LMBR1L: variants seen among roughly 807,000 people sequenced by gnomAD.
The protein encoded by LMBR1L is limb development membrane protein 1 like.
In LMBR1L, 47 loss-of-function variants were observed where a neutral mutation model predicts 67.3. The observed-to-expected ratio is 0.70, with a 90% CI of 0.55 to 0.89. The LOEUF is 0.89. Among genes scored for constraint, LMBR1L ranks in the 40% least tolerant of loss-of-function variants. The pLI, the probability that LMBR1L is intolerant of heterozygous loss-of-function variation, is 0.00. For missense variants in LMBR1L, 533 were observed against 599.2 expected (o/e 0.89, Z 1.15); for synonymous variants, 247 against 250.3 (o/e 0.99, Z 0.13).
chr12:49,110,580 G>C lies in LMBR1L; in HGVS notation c.-25C>G. On this transcript the variant is annotated 5_prime_UTR_variant, in exon 1 of 17. Coordinates refer to ENST00000267102, the MANE Select transcript of LMBR1L (RefSeq NM_018113.4). ...TACTCTGCTCAGCATGACTGAAGCC[G>C]AGGTGCCTCTGGGCCCGGGGAGGAC... The C allele has an allele frequency of 6.2e-7, 1 of 1,610,136 alleles. No individual in the cohort carries two copies. Among genetic ancestry groups the C allele is most frequent in the Non-Finnish European group, 8.5e-7 (1 of 1,176,560 alleles).
rs567027290 is a variant in LMBR1L, at chr12:49,110,674, A to G, written c.-119T>C. Reference sequence around the variant, plus strand: ...TAGGGGCCTTTCCTCGCAGCCTGCGACAGAAACTCGGGGCAGTCTGGGGCT... The same window carrying G: ...TAGGGGCCTTTCCTCGCAGCCTGCGGCAGAAACTCGGGGCAGTCTGGGGCT... On this transcript the variant is annotated 5_prime_UTR_variant, in exon 1 of 17. Transcript: ENST00000267102. The G allele has an allele frequency of 1.2e-6, 1 of 850,258 alleles. No individual in the cohort carries two copies. The highest frequency in any genetic ancestry group is 1.7e-5 in the African/African-American group (1 of 60,036). The allele number at this position is 850,258 out of a possible 1,614,324, so 52.7% of individuals were successfully genotyped here.
chr12:49,106,895 G>T, intron 2 of LMBR1L, 66 bp downstream of exon 2: 1 of 1,257,598 alleles, frequency 8.0e-7, no homozygotes, highest in Non-Finnish European at 1.2e-6. Context: ...GGTACCATAG[G>T]CCCATTCCCC....
chr12:49,100,768 C>G lies in LMBR1L; in HGVS notation c.1083-122G>C, dbSNP rs1177593759. 9.2e-6 allele frequency: 7 copies of G among 759,946 alleles called. No individual in the cohort carries two copies. In the African/African-American group the frequency reaches 1.1e-4, roughly 12 times the overall value. The allele number at this position is 759,946 out of a possible 1,614,324, so 47.1% of individuals were successfully genotyped here. A position where few individuals can be genotyped will look rare whatever the true frequency, so the allele number is the denominator to read the frequency against. On this transcript the variant is annotated intron_variant, in intron 13 of 16. Transcript: ENST00000267102. Reference sequence around the variant, plus strand: ...TTTGAGACAGGGTCTCACTTTGTCACCCAGGCTGGAGTGCAGTGGTGCGAT... The same window carrying G: ...TTTGAGACAGGGTCTCACTTTGTCAGCCAGGCTGGAGTGCAGTGGTGCGAT...
At chr12:49,105,007 T>TA in intron 3 of LMBR1L, 122 bp from the exon 4 acceptor site, 2 of 1,114,856 alleles carry the variant, frequency 1.8e-6, no homozygotes, top group Non-Finnish European at 2.6e-6. Flanking sequence ...ATCACAGAGC[T>TA]AAGGAAGGAG....
At chr12:49,105,684 C>A (rs575397055) in intron 3 of LMBR1L, among the ~76,000 whole-genome samples, 1 of 152,296 alleles carries the variant, frequency 6.6e-6, no homozygotes, top group East Asian at 1.9e-4. Flanking sequence ...TGACTCAGGC[C>A]CCAGCGGACG....
chr12:49,110,160 G>A, intron 1 of LMBR1L: 2 of 551,258 alleles, frequency 3.6e-6, no homozygotes, highest in Middle Eastern at 5.4e-4. Flanking sequence ...CCGATTATCA[G>A]ACTAAGGCAG....
chr12:49,108,561 C>CAAAA (rs35533408), intron 1 of LMBR1L, among the ~76,000 whole-genome samples: 1 of 47,564 alleles, frequency 2.1e-5, no homozygotes, highest in Non-Finnish European at 3.6e-5. Context: ...GACTGAGTCT[C>CAAAA]AAAAAAAAAA....
intron 3 of LMBR1L, 87 bp downstream of exon 3, chr12:49,105,837 T>C (rs994565460): frequency 8.1e-6 from 9 of 1,111,504 alleles, no homozygotes; most frequent in Non-Finnish European, 9.3e-6. Flanking sequence ...TGTGTGAGAC[T>C]TCCCCCTTCT....
chr12:49,106,447 G>C (rs1021659761), intron 2 of LMBR1L: 13 of 594,888 alleles, frequency 2.2e-5, no homozygotes, highest in Non-Finnish European at 3.6e-5. Flanking sequence ...AGGAACTGGG[G>C]CAAGTGTGCC....
chr12:49,106,706 G>T, intron 2 of LMBR1L: 1 of 1,043,318 alleles, frequency 9.6e-7, no homozygotes, highest in Non-Finnish European at 1.4e-6. Context: ...TCCACACAAT[G>T]GAGTAGGTAG....
chr12:49,100,245 T>C, intron 15 of LMBR1L, 143 bp downstream of exon 15: 1 of 715,654 alleles, frequency 1.4e-6, no homozygotes, highest in East Asian at 2.5e-5. Context: ...AGAGCCTTGC[T>C]TTCCTCATCT....
At chr12:49,098,520 G>A (rs1294994568) in intron 15 of LMBR1L, among the ~76,000 whole-genome samples, 1 of 152,040 alleles carries the variant, frequency 6.6e-6, no homozygotes, top group East Asian at 1.9e-4. Flanking sequence ...GCGTGATCTG[G>A]GGCAATTTCC....
intron 2 of LMBR1L, chr12:49,106,363 A>T (rs748757816): frequency 1.1e-5 from 4 of 370,548 alleles, no homozygotes; most frequent in Non-Finnish European, 2.1e-5. Flanking sequence ...CCCCAGGGGA[A>T]TTACTCTTGG....
rs35974488 is a variant in LMBR1L at position 49,104,466 on chromosome 12, G to T, written c.417C>A (p.Gly139=). The T allele has an allele frequency of 1.6e-5, 25 of 1,612,404 alleles. No individual in the cohort carries two copies. In the African/African-American group the frequency reaches 3.2e-4, roughly 21 times the overall value. The change falls in exon 5 of 17, where the codon GGC becomes GGA. Residue 139 remains glycine, a synonymous_variant. Transcript: ENST00000267102. ...PFAYFFTESE[G]FAGSRKGVLG... is the part of the protein sequence containing the mutation. ...TACTTACCTTTCTGGAGCCAGCAAA[G>T]CCCTCAGACTCAGTGAAGAAATATG...
At chr12:49,109,928 G>A (rs896294535) in intron 1 of LMBR1L, 1 of 411,888 alleles carries the variant, frequency 2.4e-6, no homozygotes, top group Non-Finnish European at 4.9e-6. Context: ...AAAAGACGGG[G>A]GAATACTTGG....
rs1941437425 is a variant in LMBR1L, at chr12:49,110,587, C to T, written c.-32G>A. On this transcript the variant is annotated 5_prime_UTR_variant, in exon 1 of 17. Transcript: ENST00000267102. ...CTCAGCATGACTGAAGCCGAGGTGC[C>T]TCTGGGCCCGGGGAGGACGAGCGGG... is the stretch of plus-strand genomic sequence containing the variant. 5 of 1,603,676 alleles carry T rather than the reference C, an allele frequency of 3.1e-6. No individual in the cohort carries two copies. In the South Asian group the frequency reaches 3.3e-5, roughly 11 times the overall value.
At chr12:49,105,086 A>C in intron 3 of LMBR1L, 8 of 584,098 alleles carry the variant, frequency 1.4e-5, no homozygotes, top group Non-Finnish European at 1.8e-5. Context: ...GCCCCAGCTC[A>C]TGGGATGGGC....
Position 49,102,119 on chromosome 12 carries a change from C to G in LMBR1L, c.930+1G>C. The stretch of plus-strand genomic sequence containing the variant: ...CTCACCTCTAGGGCTGGTATACCTA[C>G]CGTCAGCACCAGCAAGCACAGCATA... On this transcript the variant is annotated splice_donor_variant, in intron 11 of 16. Transcript: ENST00000267102. LOFTEE classifies it high-confidence loss of function. 1 of 1,613,770 alleles carries G rather than the reference C, an allele frequency of 6.2e-7. No individual in the cohort carries two copies. The highest frequency in any genetic ancestry group is 8.5e-7 in the Non-Finnish European group (1 of 1,179,678).
chr12:49,106,998 G>C lies in LMBR1L; in HGVS notation c.120C>G (p.Phe40Leu). ...CAGCAGGCTTCTTGAAGCGGGTCAGGAAGATGTGGCAGAGGATGTACAGTG... is the reference window on the plus strand; with the variant it reads ...CAGCAGGCTTCTTGAAGCGGGTCAGCAAGATGTGGCAGAGGATGTACAGTG... ...FATLYILCHI[F>L]LTRFKKPAEF... is the part of the protein sequence containing the mutation. The change falls in exon 2 of 17, where the codon TTC becomes TTG. Residue 40 changes from phenylalanine (F) to leucine (L), a missense_variant. Coordinates refer to ENST00000267102, the MANE Select transcript of LMBR1L (RefSeq NM_018113.4). 1 of 1,613,852 alleles carries C rather than the reference G, an allele frequency of 6.2e-7. No homozygotes were observed. The highest frequency in any genetic ancestry group is 8.5e-7 in the Non-Finnish European group (1 of 1,179,710).
Sources: gnomAD v4.1 joint callset for allele counts (sites outside exome capture counted in the v4.1 genomes callset) on GRCh38, gnomAD v4.1.1 for gene constraint, MANE v1.5 for transcripts, NCBI Gene and HGNC (gene_info 2026-07-23, HGNC 2026-07-21) for gene names.